The following CLYBL variants were observed in gnomAD, a reference collection of about 807,000 sequenced individuals.
CLYBL encodes citramalyl-CoA lyase.
Under a neutral mutation model 38.9 loss-of-function variants are expected in CLYBL, and 31 were observed. The ratio of observed to expected loss-of-function variants is 0.80; its 90% CI spans 0.60 to 1.08. The LOEUF is 1.08. Among genes scored for constraint, CLYBL ranks in the 50% least tolerant of loss-of-function variants. The probability of loss-of-function intolerance (pLI) is 0.00; values close to 1 mark genes in which losing one functional copy is unlikely to be tolerated. For synonymous variants in CLYBL, 171 were observed against 158.6 expected (o/e 1.08, Z -0.59); for missense variants, 434 against 411.6 (o/e 1.05, Z -0.47).
chr13:99,653,252 A>C (rs1244008266), intron 1 of CLYBL, among the ~76,000 whole-genome samples: 1 of 152,128 alleles, frequency 6.6e-6, no homozygotes, highest in Non-Finnish European at 1.5e-5. Flanking sequence ...GCACCTGTGG[A>C]TGTTTCAGAA....
In CLYBL at chr13:99,767,873, C is replaced by T. The variant is rs114340499; in HGVS notation, c.63-4951C>T. 8.3e-3 allele frequency among the ~76,000 whole-genome samples: 1,257 copies of T among 152,222 alleles called. 16 individuals carry two copies. Among genetic ancestry groups the T allele is most frequent in the African/African-American group, 0.026 (1,066 of 41,540 alleles). ...TTATCTTGATGTCCTTCACTTCTTC[C>T]TTTAGTTCTTTGAGCATCTTTAAGA... On this transcript the variant is annotated intron_variant, in intron 1 of 8. Coordinates refer to ENST00000339105, the MANE Select transcript of CLYBL (RefSeq NM_206808.5).
intron 1 of CLYBL, among the ~76,000 whole-genome samples, chr13:99,614,317 C>T (rs2046674297): frequency 6.6e-6 from 1 of 152,090 alleles, no homozygotes; most frequent in Non-Finnish European, 1.5e-5. Context: ...AGGGCCACTG[C>T]TTAGAGTGGG....
In CLYBL at chr13:99,772,951, T is replaced by C. The variant is rs764425156; in HGVS notation, c.190T>C (p.Ser64Pro). 6.2e-7 allele frequency: 1 copy of C among 1,613,678 alleles called. No homozygotes were observed. ...NDEKKIKKIP[S>P]LNVDCAVLDC... ...TGAAAAGAAAATAAAGAAGATTCCA[T>C]CCCTGAATGTAGATTGTGCAGTGCT... is the stretch of plus-strand genomic sequence containing the variant. The change falls in exon 2 of 9, where the codon TCC (serine) becomes CCC (proline). Residue 64 changes from serine (S) to proline (P), a missense_variant. Coordinates refer to ENST00000339105, the MANE Select transcript of CLYBL (RefSeq NM_206808.5).
intron 2 of CLYBL, among the ~76,000 whole-genome samples, chr13:99,857,433 C>T (rs7331804): frequency 0.28 from 43,177 of 152,116 alleles, 6,470 homozygotes; most frequent in East Asian, 0.5. Flanking sequence ...CAAGCCATTG[C>T]TGGCTGCATC....
intron 1 of CLYBL, among the ~76,000 whole-genome samples, chr13:99,745,711 A>G (rs1745610246): frequency 6.6e-6 from 1 of 152,224 alleles, no homozygotes; most frequent in Non-Finnish European, 1.5e-5. Context: ...TCAAAGCCAC[A>G]TACACGTGAT....
At chr13:99,653,023 G>A (rs2047278045) in intron 1 of CLYBL, among the ~76,000 whole-genome samples, 1 of 152,186 alleles carries the variant, frequency 6.6e-6, no homozygotes, top group Non-Finnish European at 1.5e-5. Flanking sequence ...GCACGTGTGT[G>A]GTAGCAGGGC....
At chr13:99,716,395 CTTTT>C (rs71689410) in intron 1 of CLYBL, among the ~76,000 whole-genome samples, 2 of 135,252 alleles carry the variant, frequency 1.5e-5, no homozygotes, top group Non-Finnish European at 3.2e-5. Flanking sequence ...CTTTTCTTTT[CTTTT>C]TTTTTTTTTT....
chr13:99,642,760 C>T (rs1847241336), intron 1 of CLYBL, among the ~76,000 whole-genome samples: 1 of 150,278 alleles, frequency 6.7e-6, no homozygotes. Flanking sequence ...CTCCCTTCCT[C>T]CGTTGCTCTT....
At chr13:99,901,935 A>G (rs2052649067), downstream of CLYBL, among the ~76,000 whole-genome samples, 2 of 152,170 alleles carry the variant, frequency 1.3e-5, no homozygotes, top group South Asian at 4.1e-4. Flanking sequence ...CAAAGCTGCT[A>G]TTCCCAATAT....
chr13:99,610,500 T>C (rs2139169470), intron 1 of CLYBL, among the ~76,000 whole-genome samples: 1 of 152,364 alleles, frequency 6.6e-6, no homozygotes, highest in South Asian at 2.1e-4. Context: ...CATTGTATTC[T>C]TTGTCATGTG....
At chr13:99,853,937 C>T (rs188157914) in intron 2 of CLYBL, among the ~76,000 whole-genome samples, 4 of 152,180 alleles carry the variant, frequency 2.6e-5, no homozygotes, top group Non-Finnish European at 4.4e-5. Flanking sequence ...ACTTCATGCC[C>T]GTGACATGAC....
At chr13:99,886,848 C>T (rs2052363133) in intron 7 of CLYBL, among the ~76,000 whole-genome samples, 1 of 152,194 alleles carries the variant, frequency 6.6e-6, no homozygotes, top group African/African-American at 2.4e-5. Context: ...CCTCTCCCCT[C>T]CAGCAAATGG....
intron 1 of CLYBL, among the ~76,000 whole-genome samples, chr13:99,609,531 T>G (rs1030563975): frequency 6.6e-6 from 1 of 152,128 alleles, no homozygotes; most frequent in Admixed American, 6.5e-5. Flanking sequence ...ATTTTCATTT[T>G]AATCCAGAAC....
chr13:99,792,149 C>T (rs1327402564), intron 2 of CLYBL, among the ~76,000 whole-genome samples: 2 of 152,010 alleles, frequency 1.3e-5, no homozygotes, highest in African/African-American at 4.8e-5. Context: ...TTTTACTTTG[C>T]ATTATTGTGC....
intron 1 of CLYBL, among the ~76,000 whole-genome samples, chr13:99,622,255 C>T (rs551323485): frequency 2.6e-5 from 4 of 152,338 alleles, no homozygotes; most frequent in African/African-American, 9.6e-5. Context: ...TGCCATGTAA[C>T]CTGACATATC....
chr13:99,638,430 A>G (rs767661532), intron 1 of CLYBL, among the ~76,000 whole-genome samples: 9 of 152,260 alleles, frequency 5.9e-5, no homozygotes, highest in African/African-American at 9.6e-5. Flanking sequence ...CACACACAAT[A>G]TATGTGTGCC....
At position 99,883,781 on chromosome 13, in the gene CLYBL, C is replaced by T. The variant is rs551129323; in HGVS notation, c.928-7537C>T. On this transcript the variant is annotated intron_variant, in intron 7 of 8. Transcript: ENST00000339105. ...ATGCACACTTCTCTGTGTCCCCTTC[C>T]AGTCCCCACGCCCCTCTCCTGTCTC... Among the ~76,000 whole-genome samples, 4 of 152,234 alleles carry T rather than the reference C, an allele frequency of 2.6e-5. No homozygotes were observed. The South Asian group carries it at 6.2e-4, about 24-fold the overall frequency.
intron 1 of CLYBL, among the ~76,000 whole-genome samples, chr13:99,762,103 C>T (rs1351721124): frequency 6.6e-6 from 1 of 152,170 alleles, no homozygotes; most frequent in African/African-American, 2.4e-5. Context: ...TATTTTCTCT[C>T]ATTCAGCAGA....
At chr13:99,636,169 TA>T (rs1245387118) in intron 1 of CLYBL, among the ~76,000 whole-genome samples, 1 of 152,232 alleles carries the variant, frequency 6.6e-6, no homozygotes, top group African/African-American at 2.4e-5. Context: ...CAGAGACTCT[TA>T]AAATTATGTT....
Sources: allele counts gnomAD v4.1 joint callset (sites outside exome capture counted in the v4.1 genomes callset), GRCh38; gene constraint gnomAD v4.1.1; transcripts MANE v1.5; gene names NCBI Gene and HGNC (gene_info 2026-07-23, HGNC 2026-07-21).